The following ARHGAP26 variants were observed in gnomAD, a reference collection of about 807,000 sequenced individuals.
ARHGAP26 encodes the protein Rho GTPase activating protein 26, also known as rho GTPase-activating protein 26.
ARHGAP26 carries 38 observed loss-of-function variants against 104.8 expected under a neutral mutation model. That is an observed-to-expected ratio of 0.36 (90% CI 0.28 to 0.48). ARHGAP26 has a LOEUF of 0.48. Among genes scored for constraint, ARHGAP26 ranks in the 20% least tolerant of loss-of-function variants. The probability of loss-of-function intolerance (pLI) is 0.99; values close to 1 mark genes in which losing one functional copy is unlikely to be tolerated. For missense variants in ARHGAP26, 704 were observed against 947.9 expected (o/e 0.74, Z 3.38); for synonymous variants, 341 against 340.0 (o/e 1.00, Z -0.03).
chr5:143,160,818 C>T (rs1002858466), intron 20 of ARHGAP26, among the ~76,000 whole-genome samples: 1 of 152,054 alleles, frequency 6.6e-6, no homozygotes, highest in Non-Finnish European at 1.5e-5. Flanking sequence ...GGCCATTGGT[C>T]ATTGAATCAT....
intron 19 of ARHGAP26, among the ~76,000 whole-genome samples, chr5:143,145,868 G>T (rs189909175): frequency 1.3e-5 from 2 of 152,214 alleles, no homozygotes; most frequent in East Asian, 3.9e-4. Flanking sequence ...TGTATTTAAC[G>T]TGAGGCTTAC....
intron 8 of ARHGAP26, among the ~76,000 whole-genome samples, chr5:142,904,210 G>T (rs1760774039): frequency 6.6e-6 from 1 of 151,990 alleles, no homozygotes; most frequent in Non-Finnish European, 1.5e-5. Context: ...CAAGAAGAAG[G>T]CTGCATGCGG....
At chr5:143,057,855 C>A in intron 17 of ARHGAP26, 108 bp downstream of exon 17, 1 of 925,312 alleles carries the variant, frequency 1.1e-6, no homozygotes, top group Non-Finnish European at 1.8e-6. Context: ...ACTATTGCAT[C>A]AGGTATGCTG....
chr5:142,822,641 CAT>C (rs560544568), intron 1 of ARHGAP26, among the ~76,000 whole-genome samples: 81 of 151,954 alleles, frequency 5.3e-4, no homozygotes, highest in Non-Finnish European at 6.8e-4. Flanking sequence ...TATATCTCAC[CAT>C]GTGTGTGTAT....
chr5:143,041,956 G>C, intron 14 of ARHGAP26, 66 bp downstream of exon 14: 2 of 1,382,882 alleles, frequency 1.4e-6, no homozygotes, highest in South Asian at 1.2e-5. Flanking sequence ...AAAGTCACCA[G>C]GTCTGTGAGT....
chr5:143,193,332 C>A (rs1806255464), intron 20 of ARHGAP26, among the ~76,000 whole-genome samples: 1 of 148,782 alleles, frequency 6.7e-6, no homozygotes, highest in African/African-American at 2.5e-5. Context: ...ACTGCAACCT[C>A]CGCCTCCCAG....
intron 11 of ARHGAP26, among the ~76,000 whole-genome samples, chr5:143,001,434 A>G (rs1466828307): frequency 6.6e-6 from 1 of 152,256 alleles, no homozygotes; most frequent in African/African-American, 2.4e-5. Context: ...AAAAAGCAAG[A>G]TGGACTGATG....
chr5:142,800,524 A>G (rs929454264), intron 1 of ARHGAP26, among the ~76,000 whole-genome samples: 2 of 152,020 alleles, frequency 1.3e-5, no homozygotes, highest in Non-Finnish European at 2.9e-5. Flanking sequence ...CACCACGCTC[A>G]GCTAATTTTT....
At chr5:142,945,990 A>G (rs1449560864) in intron 11 of ARHGAP26, among the ~76,000 whole-genome samples, 2 of 152,192 alleles carry the variant, frequency 1.3e-5, no homozygotes, top group Non-Finnish European at 2.9e-5. Flanking sequence ...CATCACCACT[A>G]GCTGATGTCC....
At chr5:142,900,868 C>G (rs1760229625) in intron 6 of ARHGAP26, among the ~76,000 whole-genome samples, 2 of 151,994 alleles carry the variant, frequency 1.3e-5, no homozygotes, top group Non-Finnish European at 2.9e-5. Flanking sequence ...CAGAGTGGAC[C>G]CCTCAGAAAA....
At chr5:143,015,146 C>G (rs3756388) in intron 12 of ARHGAP26, among the ~76,000 whole-genome samples, 3,591 of 152,088 alleles carry the variant, frequency 0.024, 79 homozygotes, top group East Asian at 0.056. Context: ...AAATGTTCCC[C>G]TCCACCTCCA....
At chr5:143,218,904 A>G (rs1810757930) in intron 22 of ARHGAP26, among the ~76,000 whole-genome samples, 3 of 152,236 alleles carry the variant, frequency 2.0e-5, no homozygotes, top group African/African-American at 4.8e-5. Flanking sequence ...TCTACCAGCT[A>G]TTAATATTTA....
chr5:142,849,038 T>A (rs1018771365), intron 1 of ARHGAP26, among the ~76,000 whole-genome samples: 1 of 152,232 alleles, frequency 6.6e-6, no homozygotes, highest in East Asian at 1.9e-4. Context: ...TGTTGTTTAT[T>A]GGTTCCATGG....
chr5:142,903,175 A>G (rs1416943321), intron 7 of ARHGAP26, among the ~76,000 whole-genome samples: 1 of 152,198 alleles, frequency 6.6e-6, no homozygotes, highest in East Asian at 1.9e-4. Context: ...TGGAGAAATG[A>G]ACGCCTAGGT....
intron 3 of ARHGAP26, among the ~76,000 whole-genome samples, chr5:142,875,467 G>T (rs1490457863): frequency 6.6e-6 from 1 of 151,788 alleles, no homozygotes; most frequent in African/African-American, 2.4e-5. Context: ...CACTTTTTTG[G>T]GCGTCGGATT....
chr5:143,062,519 GTTT>G (rs57175122), intron 17 of ARHGAP26, among the ~76,000 whole-genome samples: 58 of 124,002 alleles, frequency 4.7e-4, no homozygotes, highest in Admixed American at 4.8e-4. Flanking sequence ...TGTAGCTTGG[GTTT>G]TTTTTTTTTT....
intron 17 of ARHGAP26, among the ~76,000 whole-genome samples, chr5:143,065,785 A>G (rs985588326): frequency 1.3e-5 from 2 of 152,182 alleles, no homozygotes; most frequent in East Asian, 1.9e-4. Context: ...ATGACACAAA[A>G]TGGCATTCAC....
chr5:142,825,245 G>A (rs1767008526), intron 1 of ARHGAP26, among the ~76,000 whole-genome samples: 1 of 152,210 alleles, frequency 6.6e-6, no homozygotes, highest in African/African-American at 2.4e-5. Flanking sequence ...CTCTATGTTA[G>A]TAACAGTAAC....
intron 17 of ARHGAP26, among the ~76,000 whole-genome samples, chr5:143,079,141 G>C (rs953921711): frequency 1.3e-5 from 2 of 152,346 alleles, no homozygotes; most frequent in African/African-American, 4.8e-5. Flanking sequence ...TCTCTTGGGA[G>C]TGCTTACAAG....
Sources: gnomAD v4.1 joint callset for allele counts (sites outside exome capture counted in the v4.1 genomes callset) on GRCh38, gnomAD v4.1.1 for gene constraint, MANE v1.5 for transcripts, NCBI Gene and HGNC (gene_info 2026-07-23, HGNC 2026-07-21) for gene names.